IGFL4: variants seen among roughly 807,000 people sequenced by gnomAD.
IGFL4 encodes the protein IGF like family member 4.
A neutral mutation model predicts 15.4 loss-of-function variants in IGFL4; 12 were observed. The ratio of observed to expected loss-of-function variants is 0.78; its 90% CI spans 0.50 to 1.26. The LOEUF is 1.26. IGFL4 is among the 50% of genes most tolerant of loss of function. IGFL4 has a pLI of 0.00. For synonymous variants in IGFL4, 54 were observed against 55.9 expected, an observed-to-expected ratio of 0.97 and a Z score of 0.16; for missense variants, 126 against 147.8, an observed-to-expected ratio of 0.85 and a Z score of 0.76.
At chr19:46,063,002 A>T (rs906006241) in intron 1 of IGFL4, 1 of 152,228 alleles carries the variant, frequency 6.6e-6, no homozygotes, top group Admixed American at 6.5e-5. Context: ...TTCTTAGCAC[A>T]TAGAGAGGGA....
intron 1 of IGFL4, among the ~76,000 whole-genome samples, chr19:46,074,578 G>T (rs1969577621): frequency 6.6e-6 from 1 of 152,084 alleles, no homozygotes; most frequent in African/African-American, 2.4e-5. Context: ...TGATATTTGA[G>T]AACTTGGAGT....
chr19:46,070,765 C>T (rs1353661951), intron 1 of IGFL4, among the ~76,000 whole-genome samples: 1 of 152,156 alleles, frequency 6.6e-6, no homozygotes, highest in Non-Finnish European at 1.5e-5. Flanking sequence ...GTTCATGGAG[C>T]CAGAAGTACC....
At chr19:46,059,297 C>G (rs760606331) in intron 2 of IGFL4, 1 of 152,152 alleles carries the variant, frequency 6.6e-6, no homozygotes, top group Non-Finnish European at 1.5e-5. Context: ...TTCCCCCCTC[C>G]CTTTTACAAG....
intron 2 of IGFL4, among the ~76,000 whole-genome samples, chr19:46,046,153 G>A (rs149833583): frequency 2.0e-5 from 3 of 152,272 alleles, no homozygotes; most frequent in African/African-American, 7.2e-5. Context: ...TTCATATCCA[G>A]CCAAACTAAG....
chr19:46,040,930 TG>T lies in IGFL4; in HGVS notation c.19+13del, dbSNP rs1260569627. On this transcript the variant is annotated intron_variant, in intron 1 of 3. Transcript: ENST00000377697. The surrounding 1 kb of genome is among the most constrained non-coding windows in gnomAD (Gnocchi z 4.1). ...ATTAGGGATTAGCTTAGCCTAGGGC[TG>T]GGGTCTCCTTACCAGAAATTCTGGG... 6.3e-7 allele frequency: 1 copy of T among 1,588,432 alleles called. No individual in the cohort carries two copies. Among genetic ancestry groups the T allele is most frequent in the South Asian group, 1.2e-5 (1 of 86,394 alleles).
chr19:46,073,854 A>C (rs1484175149), intron 1 of IGFL4, among the ~76,000 whole-genome samples: 2 of 152,182 alleles, frequency 1.3e-5, no homozygotes, highest in Non-Finnish European at 2.9e-5. Context: ...GAATGACTGA[A>C]AGTATTTTTT....
chr19:46,068,009 A>C (rs535304726), intron 1 of IGFL4, among the ~76,000 whole-genome samples: 3 of 152,172 alleles, frequency 2.0e-5, no homozygotes, highest in Non-Finnish European at 4.4e-5. Flanking sequence ...CTCTGACTGC[A>C]CCTTCCCCCA....
At chr19:46,071,754 C>G (rs1600680261) in intron 1 of IGFL4, among the ~76,000 whole-genome samples, 2 of 152,224 alleles carry the variant, frequency 1.3e-5, no homozygotes, top group African/African-American at 2.4e-5. Context: ...GGCACGGTGG[C>G]TCACGCCCGT....
chr19:46,049,982 A>G (rs1440181440), intron 2 of IGFL4, among the ~76,000 whole-genome samples: 1 of 152,174 alleles, frequency 6.6e-6, no homozygotes, highest in Non-Finnish European at 1.5e-5. Flanking sequence ...GACGGATCAC[A>G]TCATGGGACT....
chr19:46,075,057 C>A (rs867132684), intron 1 of IGFL4, among the ~76,000 whole-genome samples: 2 of 142,808 alleles, frequency 1.4e-5, no homozygotes, highest in African/African-American at 4.9e-5. Flanking sequence ...CTTAAACCTA[C>A]CACTTAGAGT....
rs377730731 is a variant in IGFL4 at position 46,060,945 on chromosome 19, G to A, written c.-431-652C>T. On this transcript the variant is annotated intron_variant, in intron 1 of 5. Transcript: ENST00000601672. ...AGTTTGACCATAAGGTAAGATTCTC[G>A]TAAACTTTTTATTAACCCTTAACAG... Among the ~76,000 whole-genome samples the A allele has an allele frequency of 1.0e-3, 157 of 152,196 alleles. 1 individual carries two copies. Among genetic ancestry groups the A allele is most frequent in the African/African-American group, 3.5e-3 (147 of 41,538 alleles).
chr19:46,064,638 G>A (rs1969477691), intron 1 of IGFL4, among the ~76,000 whole-genome samples: 1 of 152,260 alleles, frequency 6.6e-6, no homozygotes. Flanking sequence ...CCATGTTGTT[G>A]CAAATGGCAG....
At chr19:46,044,529 C>T (rs144016018), upstream of IGFL4, among the ~76,000 whole-genome samples, 4 of 152,272 alleles carry the variant, frequency 2.6e-5, no homozygotes, top group Admixed American at 6.5e-5. Flanking sequence ...GGGGCAGTCA[C>T]CATCTCTGTG....
Position 46,040,440 on chromosome 19 carries a change from G to C in IGFL4, c.71-24C>G. The C allele has an allele frequency of 6.2e-7, 1 of 1,613,586 alleles. No homozygotes were observed. Among genetic ancestry groups the C allele is most frequent in the South Asian group, 1.1e-5 (1 of 91,086 alleles). On this transcript the variant is annotated intron_variant, in intron 2 of 3. Transcript: ENST00000377697. This position sits in a 1 kb window ranked among gnomAD's most constrained non-coding sequence, Gnocchi z 4.1. Reference sequence around the variant, plus strand: ...ATCTGGAAGAGTCGGGGCTGGATGGGCTGCAAGGACCAGCCTAGGACCACC... The same window carrying C: ...ATCTGGAAGAGTCGGGGCTGGATGGCCTGCAAGGACCAGCCTAGGACCACC...
At chr19:46,075,648 T>C (rs1005696425) in intron 1 of IGFL4, among the ~76,000 whole-genome samples, 6 of 152,230 alleles carry the variant, frequency 3.9e-5, no homozygotes, top group Non-Finnish European at 7.3e-5. Flanking sequence ...TTGATGATTA[T>C]GACACCGATT....
intron 2 of IGFL4, among the ~76,000 whole-genome samples, chr19:46,050,571 C>T (rs1969336171): frequency 6.6e-6 from 1 of 152,134 alleles, no homozygotes; most frequent in Admixed American, 6.5e-5. Flanking sequence ...GAAAGAACCT[C>T]AGAGCTTGAA....
At chr19:46,073,480 T>C (rs1015247843) in intron 1 of IGFL4, among the ~76,000 whole-genome samples, 4 of 152,134 alleles carry the variant, frequency 2.6e-5, no homozygotes, top group Non-Finnish European at 5.9e-5. Context: ...AGAATAACAC[T>C]ATCACCCACA....
upstream of IGFL4, among the ~76,000 whole-genome samples, chr19:46,045,260 T>C (rs1969286999): frequency 6.6e-6 from 1 of 151,982 alleles, no homozygotes; most frequent in Non-Finnish European, 1.5e-5. Flanking sequence ...CTGACCAACA[T>C]GGTGAAACCC....
chr19:46,041,207 G>A (rs971123390), upstream of IGFL4: 1 of 462,968 alleles, frequency 2.2e-6, no homozygotes, highest in Non-Finnish European at 3.7e-6. Flanking sequence ...AGATCCTCAG[G>A]GTAAAGGCTA....
Sources: allele counts gnomAD v4.1 joint callset (sites outside exome capture counted in the v4.1 genomes callset), GRCh38; gene constraint gnomAD v4.1.1; non-coding constraint Gnocchi (gnomAD v3.1); transcripts MANE v1.5; gene names NCBI Gene and HGNC (gene_info 2026-07-23, HGNC 2026-07-21).